The following TENM3 variants were observed in gnomAD, a reference collection of about 807,000 sequenced individuals.
TENM3 encodes teneurin transmembrane protein 3.
A neutral mutation model predicts 255.1 loss-of-function variants in TENM3; 63 were observed. The ratio of observed to expected loss-of-function variants is 0.25; its 90% CI spans 0.20 to 0.30. The LOEUF is 0.30. TENM3 is among the 10% of genes least tolerant of loss of function. The pLI, the probability that TENM3 is intolerant of heterozygous loss-of-function variation, is 1.00. For missense variants in TENM3, 2,929 were observed against 3,461.1 expected, an observed-to-expected ratio of 0.85 and a Z score of 3.86; for synonymous variants, 1,306 against 1,322.3, an observed-to-expected ratio of 0.99 and a Z score of 0.27.
At chr4:182,160,175 T>C (rs1339063464) in intron 1 of TENM3, among the ~76,000 whole-genome samples, 2 of 150,798 alleles carry the variant, frequency 1.3e-5, no homozygotes, top group East Asian at 3.9e-4. Flanking sequence ...GCTAATTTTA[T>C]GTATTTTTAG....
At chr4:181,922,217 T>C in the TENM3 span, among the ~76,000 whole-genome samples, 1,340 of 152,234 alleles carry the variant, frequency 8.8e-3, 27 homozygotes, top group African/African-American at 0.031. Flanking sequence ...TGTCTCTGCC[T>C]GGCTTTGGTA....
the TENM3 span, among the ~76,000 whole-genome samples, chr4:181,670,916 C>G: frequency 6.6e-6 from 1 of 152,292 alleles, no homozygotes; most frequent in Non-Finnish European, 1.5e-5. Context: ...GTTCGGCATT[C>G]TGGACAAGTT....
chr4:182,273,951 A>G (rs1759825510), intron 1 of TENM3, among the ~76,000 whole-genome samples: 1 of 152,262 alleles, frequency 6.6e-6, no homozygotes. Flanking sequence ...TGCTTTAAAT[A>G]AGAATAGCAT....
intron 1 of TENM3, among the ~76,000 whole-genome samples, chr4:182,272,745 G>A (rs1266944974): frequency 6.6e-6 from 1 of 152,194 alleles, no homozygotes; most frequent in African/African-American, 2.4e-5. Flanking sequence ...CCCTCATGGA[G>A]TTTATAATCT....
chr4:181,661,932 T>C, the TENM3 span, among the ~76,000 whole-genome samples: 1 of 151,988 alleles, frequency 6.6e-6, no homozygotes, highest in Non-Finnish European at 1.5e-5. Context: ...CATTCTGCTT[T>C]TCGGTTCTTG....
intron 19 of TENM3, among the ~76,000 whole-genome samples, chr4:182,747,965 C>T (rs904366876): frequency 6.6e-6 from 1 of 152,202 alleles, no homozygotes; most frequent in Non-Finnish European, 1.5e-5. Context: ...GGCTGTGACA[C>T]AGTTTCCAAC....
the TENM3 span, among the ~76,000 whole-genome samples, chr4:181,993,006 A>C: frequency 6.6e-6 from 1 of 152,148 alleles, no homozygotes; most frequent in African/African-American, 2.4e-5. Flanking sequence ...GACTTAATGC[A>C]ATTAATAGCA....
intron 3 of TENM3, among the ~76,000 whole-genome samples, chr4:182,442,033 A>G (rs1370130541): frequency 2.0e-5 from 3 of 152,190 alleles, no homozygotes. Context: ...CCCATAAACT[A>G]TTCTTGGTGA....
At chr4:181,515,007 A>C in the TENM3 span, among the ~76,000 whole-genome samples, 2 of 152,228 alleles carry the variant, frequency 1.3e-5, no homozygotes, top group African/African-American at 4.8e-5. Flanking sequence ...TTTATTAAAA[A>C]GTGGTACAGC....
the TENM3 span, among the ~76,000 whole-genome samples, chr4:181,649,366 A>G: frequency 1.3e-5 from 2 of 152,342 alleles, no homozygotes; most frequent in Admixed American, 1.3e-4. Context: ...TCAGGTGGGA[A>G]AAAGCAATAA....
chr4:182,234,430 TTAGAAA>T (rs1468017809), intron 1 of TENM3, among the ~76,000 whole-genome samples: 2 of 152,062 alleles, frequency 1.3e-5, no homozygotes, highest in African/African-American at 2.4e-5. Context: ...AATGCTACAG[TTAGAAA>T]TAGAAATAAA....
At chr4:182,262,663 A>C (rs1376934702) in intron 1 of TENM3, among the ~76,000 whole-genome samples, 1 of 152,082 alleles carries the variant, frequency 6.6e-6, no homozygotes, top group Admixed American at 6.6e-5. Flanking sequence ...GGCAACCAGC[A>C]GCCCACGGGG....
the TENM3 span, among the ~76,000 whole-genome samples, chr4:181,662,934 A>AT: frequency 1.3e-5 from 2 of 152,296 alleles, no homozygotes; most frequent in East Asian, 3.9e-4. Flanking sequence ...CCAATTAAAG[A>AT]TAAAAGATAA....
the TENM3 span, among the ~76,000 whole-genome samples, chr4:181,816,222 C>T: frequency 1.3e-5 from 2 of 152,156 alleles, no homozygotes; most frequent in Non-Finnish European, 2.9e-5. Flanking sequence ...CATCTGAGTG[C>T]TCCATTCTGC....
the TENM3 span, among the ~76,000 whole-genome samples, chr4:181,646,104 G>T: frequency 2.3e-3 from 350 of 152,286 alleles, no homozygotes; most frequent in African/African-American, 8.1e-3. Flanking sequence ...GTACCCCAGT[G>T]CAACACAAAG....
At chr4:182,735,059 G>A (rs1761059396) in intron 16 of TENM3, among the ~76,000 whole-genome samples, 1 of 152,134 alleles carries the variant, frequency 6.6e-6, no homozygotes, top group South Asian at 2.1e-4. Context: ...CACTGATTAT[G>A]GGAGAACAAT....
At chr4:182,286,196 A>G (rs770695022) in intron 1 of TENM3, among the ~76,000 whole-genome samples, 2 of 152,206 alleles carry the variant, frequency 1.3e-5, no homozygotes, top group East Asian at 1.9e-4. Flanking sequence ...GCTACTTTGC[A>G]TTACAACCTG....
At position 182,386,974 on chromosome 4, in the gene TENM3, C is replaced by T. The variant is rs573816098; in HGVS notation, c.511+40045C>T. ...GGCTGGCAGGCAGCTCCACCTGCAG[C>T]CCCTGTGCGGGATCCACTGGGTGAA... On this transcript the variant is annotated intron_variant, in intron 3 of 27. Coordinates refer to ENST00000511685, the MANE Select transcript of TENM3 (RefSeq NM_001080477.4). Among the ~76,000 whole-genome samples the T allele has an allele frequency of 3.3e-5, 5 of 152,348 alleles. No homozygotes were observed. In the East Asian group the frequency reaches 9.7e-4, roughly 29 times the overall value.
intron 3 of TENM3, among the ~76,000 whole-genome samples, chr4:182,544,069 A>G (rs138500605): frequency 9.2e-5 from 14 of 152,320 alleles, no homozygotes; most frequent in African/African-American, 1.9e-4. Flanking sequence ...TTTCCTCTCA[A>G]TGTTTCCTGA....
Sources: allele counts gnomAD v4.1 joint callset (sites outside exome capture counted in the v4.1 genomes callset), GRCh38; gene constraint gnomAD v4.1.1; transcripts MANE v1.5; gene names NCBI Gene and HGNC (gene_info 2026-07-23, HGNC 2026-07-21).